The following EPAS1 variants were observed in gnomAD, a reference collection of about 807,000 sequenced individuals.
EPAS1 encodes endothelial PAS domain protein 1.
In EPAS1, 23 loss-of-function variants were observed where a neutral mutation model predicts 87.9. The observed-to-expected ratio is 0.26, with a 90% CI of 0.19 to 0.37. The LOEUF (loss-of-function observed/expected upper bound fraction) is 0.37. EPAS1 is among the 10% of genes least tolerant of loss of function. EPAS1 has a pLI of 1.00. For missense variants in EPAS1, 1,138 were observed against 1,120.7 expected (o/e 1.02, Z -0.22); for synonymous variants, 508 against 444.3 (o/e 1.14, Z -1.80).
chr2:46,383,654 C>A (rs1460078313), intron 15 of EPAS1, among the ~76,000 whole-genome samples: 1 of 152,154 alleles, frequency 6.6e-6, no homozygotes, highest in East Asian at 1.9e-4. Context: ...GTGAAGCCCA[C>A]GAATTACCTT....
chr2:46,331,369 C>T (rs1046685960), intron 1 of EPAS1, among the ~76,000 whole-genome samples: 1 of 152,192 alleles, frequency 6.6e-6, no homozygotes, highest in Non-Finnish European at 1.5e-5. Flanking sequence ...AAACAAAGAC[C>T]AGATGTGATT....
At chr2:46,332,312 G>C (rs796494262) in intron 1 of EPAS1, among the ~76,000 whole-genome samples, 1 of 140,178 alleles carries the variant, frequency 7.1e-6, no homozygotes, top group African/African-American at 2.6e-5. Context: ...GTGTGTGTGT[G>C]TGTGTGTGTG....
chr2:46,356,135 C>CA lies in EPAS1; in HGVS notation c.218-16_218-15insA, dbSNP rs750114785. 15 of 1,242,902 alleles carry CA rather than the reference C, an allele frequency of 1.2e-5. No homozygotes were observed. The highest frequency in any genetic ancestry group is 1.2e-4 in the African/African-American group (6 of 50,224). 77.0% of individuals were successfully genotyped at this position (1,242,902 alleles called of 1,614,324 possible). On this transcript the variant is annotated splice_polypyrimidine_tract_variant and intron_variant, in intron 2 of 15. Transcript: ENST00000263734. ...TCCACATTCATGCAAGCTGTCCCAC[C>CA]CCCCCCCCTTTCCAGTTTGCTCTGA... is the stretch of plus-strand genomic sequence containing the variant.
chr2:46,375,926 C>T lies in EPAS1; in HGVS notation c.1034+89C>T. On this transcript the variant is annotated intron_variant, in intron 8 of 15. Coordinates refer to ENST00000263734, the MANE Select transcript of EPAS1 (RefSeq NM_001430.5). The surrounding 1 kb of genome is among the most constrained non-coding windows in gnomAD (Gnocchi z 4.1). ...CTCAGGATGACAGGCCTAGGAGATG[C>T]CAGGCCTCTCAGCGCCCTGGGCACC... 3 of 1,573,974 alleles carry T rather than the reference C, an allele frequency of 1.9e-6. No homozygotes were observed. The highest frequency in any genetic ancestry group is 2.6e-6 in the Non-Finnish European group (3 of 1,146,336).
intron 1 of EPAS1, among the ~76,000 whole-genome samples, chr2:46,312,270 G>C (rs1332855362): frequency 1.3e-5 from 2 of 152,142 alleles, no homozygotes; most frequent in Admixed American, 6.5e-5. Flanking sequence ...ATGGGGTTCA[G>C]AGGAGCTCTC....
At chr2:46,336,886 G>A (rs1426401200) in intron 1 of EPAS1, among the ~76,000 whole-genome samples, 1 of 152,208 alleles carries the variant, frequency 6.6e-6, no homozygotes, top group Non-Finnish European at 1.5e-5. Context: ...GCTGCTCTGG[G>A]TGACTCCACA....
intron 10 of EPAS1, 65 bp downstream of exon 10, chr2:46,378,152 C>T: frequency 6.5e-7 from 1 of 1,539,168 alleles, no homozygotes; most frequent in South Asian, 1.2e-5. Context: ...TGCCAGATGG[C>T]TGAAGGGACA....
At chr2:46,355,250 T>C (rs1231979475) in intron 2 of EPAS1, among the ~76,000 whole-genome samples, 1 of 152,372 alleles carries the variant, frequency 6.6e-6, no homozygotes, top group East Asian at 1.9e-4. Context: ...TACGTACTTA[T>C]CCTTACAATT....
chr2:46,371,387 C>T lies in EPAS1; in HGVS notation c.886+1454C>T, dbSNP rs140500310. Reference sequence around the variant, plus strand: ...TGGTTCCTCTGCCTCTTCCTCATGGCTTTTGGGTTTGATTTGACAGTACAA... The same window carrying T: ...TGGTTCCTCTGCCTCTTCCTCATGGTTTTTGGGTTTGATTTGACAGTACAA... On this transcript the variant is annotated intron_variant, in intron 7 of 15. Coordinates refer to ENST00000263734, the MANE Select transcript of EPAS1 (RefSeq NM_001430.5). The surrounding 1 kb of genome is among the most constrained non-coding windows in gnomAD (Gnocchi z 4.3). 1.2e-3 allele frequency among the ~76,000 whole-genome samples: 176 copies of T among 152,212 alleles called. 1 individual carries two copies. Among genetic ancestry groups the T allele is most frequent in the African/African-American group, 4.0e-3 (167 of 41,514 alleles).
chr2:46,305,287 AATGTT>A (rs1466806375), intron 1 of EPAS1, among the ~76,000 whole-genome samples: 2 of 152,220 alleles, frequency 1.3e-5, no homozygotes, highest in Non-Finnish European at 2.9e-5. Flanking sequence ...AATGGACAAG[AATGTT>A]ATCCACTTCT....
At chr2:46,365,253 C>T (rs1455061253) in intron 6 of EPAS1, among the ~76,000 whole-genome samples, 1 of 152,052 alleles carries the variant, frequency 6.6e-6, no homozygotes, top group Non-Finnish European at 1.5e-5. Context: ...GAAGAGGTTT[C>T]AAAATTACAG....
At chr2:46,330,306 G>A (rs1558589835) in intron 1 of EPAS1, among the ~76,000 whole-genome samples, 2 of 152,086 alleles carry the variant, frequency 1.3e-5, no homozygotes, top group South Asian at 2.1e-4. Context: ...AGCTGTTATC[G>A]CTTCATAGCA....
intron 1 of EPAS1, among the ~76,000 whole-genome samples, chr2:46,299,848 A>T (rs933262464): frequency 2.6e-5 from 4 of 152,176 alleles, no homozygotes; most frequent in Non-Finnish European, 4.4e-5. Flanking sequence ...CGGGAATGGG[A>T]GCGGGAAGAA....
Position 46,380,866 on chromosome 2 carries a change from T to C in EPAS1, c.2045+149T>C. 7.1e-7 allele frequency: 1 copy of C among 1,403,698 alleles called. No homozygotes were observed. Among genetic ancestry groups the C allele is most frequent in the South Asian group, 1.2e-5 (1 of 83,082 alleles). 87.0% of individuals were successfully genotyped at this position (1,403,698 alleles called of 1,614,324 possible). A position where few individuals can be genotyped will look rare whatever the true frequency, so the allele number is the denominator to read the frequency against. On this transcript the variant is annotated intron_variant, in intron 12 of 15. Coordinates refer to ENST00000263734, the MANE Select transcript of EPAS1 (RefSeq NM_001430.5). The surrounding 1 kb of genome is among the most constrained non-coding windows in gnomAD (Gnocchi z 4.4). ...TTCTCTGAGCTCAGACTTTGGGGAA[T>C]CACCTCAAGCCATGTGAGGCCTAGT...
Position 46,375,269 on chromosome 2 carries a change from C to CGG in EPAS1, c.887-419_887-418dup, listed in dbSNP as rs1684720388. Among the ~76,000 whole-genome samples, 1 of 150,848 alleles carries CGG rather than the reference C, an allele frequency of 6.6e-6. No individual in the cohort carries two copies. The highest frequency in any genetic ancestry group is 6.6e-5 in the Admixed American group (1 of 15,190). On this transcript the variant is annotated intron_variant, in intron 7 of 15. Transcript: ENST00000263734. This position sits in a 1 kb window ranked among gnomAD's most constrained non-coding sequence, Gnocchi z 4.1. ...AAGTCCCCCCACCTGGAGTGCTTGA[C>CGG]GGGATGGCGCTCCTTACCCAGTGTG...
rs760179809 is a variant in EPAS1 at position 46,384,581 on chromosome 2, A to G, written c.2534A>G (p.Glu845Gly). The G allele has an allele frequency of 1.2e-6, 2 of 1,614,106 alleles. No homozygotes were observed. The highest frequency in any genetic ancestry group is 1.1e-5 in the South Asian group (1 of 91,076). The change falls in exon 16 of 16, where the codon GAG becomes GGG. Residue 845 changes from glutamate (E) to glycine (G), a missense_variant. Around this residue, in one of 4 missense-constraint regions of EPAS1, gnomAD observed 502 missense variants for 427.1 expected, o/e 1.18. Coordinates refer to ENST00000263734, the MANE Select transcript of EPAS1 (RefSeq NM_001430.5). ...CCCGAACTGACCAGATATGACTGTG[A>G]GGTGAACGTGCCCGTGCTGGGAAGC... ...LLPELTRYDC[E>G]VNVPVLGSST... is the part of the protein sequence containing the mutation.
At chr2:46,352,132 A>C (rs1684175097) in intron 2 of EPAS1, among the ~76,000 whole-genome samples, 1 of 152,332 alleles carries the variant, frequency 6.6e-6, no homozygotes, top group Non-Finnish European at 1.5e-5. Flanking sequence ...CTTTGGGGTC[A>C]GACCCTGAAG....
chr2:46,344,077 C>G (rs1683967423), intron 1 of EPAS1, among the ~76,000 whole-genome samples: 1 of 152,228 alleles, frequency 6.6e-6, no homozygotes, highest in African/African-American at 2.4e-5. Context: ...CATATTATTT[C>G]TGAGCGTCAG....
rs993538236 is a variant in EPAS1, at chr2:46,360,295, C to T, written c.455-343C>T. Among the ~76,000 whole-genome samples, 2 of 152,192 alleles carry T rather than the reference C, an allele frequency of 1.3e-5. No individual in the cohort carries two copies. Among genetic ancestry groups the T allele is most frequent in the African/African-American group, 4.8e-5 (2 of 41,440 alleles). Reference sequence around the variant, plus strand: ...TTCTGCGAGAAGACCTGGGCCTGCCCCAGGAAAGGGTGGCTGAGTTAGTGG... The same window carrying T: ...TTCTGCGAGAAGACCTGGGCCTGCCTCAGGAAAGGGTGGCTGAGTTAGTGG... On this transcript the variant is annotated intron_variant, in intron 4 of 15. Transcript: ENST00000263734. The surrounding 1 kb of genome is among the most constrained non-coding windows in gnomAD (Gnocchi z 4.5).
Sources: allele counts gnomAD v4.1 joint callset (sites outside exome capture counted in the v4.1 genomes callset), GRCh38; gene constraint gnomAD v4.1.1; regional missense constraint gnomAD v4.1.1; non-coding constraint Gnocchi (gnomAD v3.1); transcripts MANE v1.5; gene names NCBI Gene and HGNC (gene_info 2026-07-23, HGNC 2026-07-21).